Variants in LHCGR observed in about 807,000 individuals in gnomAD.
LHCGR encodes lutropin-choriogonadotropic hormone receptor.
Under a neutral mutation model 60.7 loss-of-function variants are expected in LHCGR, and 55 were observed. The observed-to-expected ratio is 0.91, with a 90% CI of 0.73 to 1.13. The LOEUF is 1.13. Ranked by LOEUF, LHCGR falls within the 50% of genes most tolerant of loss-of-function variation. The probability of loss-of-function intolerance (pLI) is 0.00; values close to 1 mark genes in which losing one functional copy is unlikely to be tolerated. For synonymous variants in LHCGR, 337 were observed against 316.5 expected, an observed-to-expected ratio of 1.06 and a Z score of -0.69; for missense variants, 862 against 836.0, an observed-to-expected ratio of 1.03 and a Z score of -0.38.
intron 1 of LHCGR, among the ~76,000 whole-genome samples, chr2:48,734,345 G>A (rs1669127580): frequency 6.6e-6 from 1 of 152,162 alleles, no homozygotes; most frequent in Non-Finnish European, 1.5e-5. Context: ...CATACACTAG[G>A]ATTGTTATCT....
chr2:48,718,008 C>T (rs9309153), intron 6 of LHCGR, among the ~76,000 whole-genome samples: 7,235 of 151,922 alleles, frequency 0.048, 243 homozygotes, highest in Middle Eastern at 0.11. Context: ...GGAGAAATTA[C>T]AAATGTGAGT....
chr2:48,715,601 C>G lies in LHCGR; in HGVS notation c.537-1547G>C, dbSNP rs553160771. 5.3e-5 allele frequency among the ~76,000 whole-genome samples: 8 copies of G among 152,152 alleles called. No homozygotes were observed. In the East Asian group the frequency reaches 7.7e-4, roughly 15 times the overall value. Reference sequence around the variant, plus strand: ...CAGGTAGCTGTTGTCTGCAAGGCCTCTCTAGTCTTTGTTAAACAAAATGAG... The same window carrying G: ...CAGGTAGCTGTTGTCTGCAAGGCCTGTCTAGTCTTTGTTAAACAAAATGAG... On this transcript the variant is annotated intron_variant, in intron 6 of 10. Transcript: ENST00000294954.
intron 8 of LHCGR, among the ~76,000 whole-genome samples, chr2:48,702,792 TG>T (rs1667475562): frequency 6.6e-6 from 1 of 152,228 alleles, no homozygotes; most frequent in Non-Finnish European, 1.5e-5. Context: ...TACCCAGTAA[TG>T]GGATCGCTCG....
At chr2:48,749,896 C>A (rs1366649468) in intron 1 of LHCGR, among the ~76,000 whole-genome samples, 8 of 152,084 alleles carry the variant, frequency 5.3e-5, no homozygotes, top group Non-Finnish European at 1.2e-4. Flanking sequence ...CATTCACTTT[C>A]CCCAGCAGAG....
intron 7 of LHCGR, 51 bp from the exon 8 acceptor site, chr2:48,709,073 A>T (rs1376144522): frequency 7.1e-7 from 1 of 1,403,218 alleles, no homozygotes; most frequent in Admixed American, 1.7e-5. Context: ...ATGTGTAAGC[A>T]TTCGTAGCTC....
chr2:48,742,392 T>C (rs1289493850), intron 1 of LHCGR, among the ~76,000 whole-genome samples: 1 of 149,956 alleles, frequency 6.7e-6, no homozygotes, highest in Non-Finnish European at 1.5e-5. Context: ...AATATACATT[T>C]TTTTCAGCAC....
intron 6 of LHCGR, among the ~76,000 whole-genome samples, chr2:48,716,497 G>A (rs1668256541): frequency 6.6e-6 from 1 of 152,028 alleles, no homozygotes; most frequent in African/African-American, 2.4e-5. Context: ...ATAAAGCAAT[G>A]GAGGCAAAGC....
Position 48,688,153 on chromosome 2 carries a change from T to C in LHCGR, c.1644A>G (p.Lys548=), listed in dbSNP as rs778760022. The change falls in exon 11 of 11, where the codon AAA becomes AAG. Residue 548 remains lysine (K), a synonymous_variant. Coordinates refer to ENST00000294954, the MANE Select transcript of LHCGR (RefSeq NM_000233.4). The surrounding 1 kb of genome is among the most constrained non-coding windows in gnomAD (Gnocchi z 5.2). ...AFFIICACYI[K]IYFAVRNPEL... ...CTGGGTTTCGAACTGCAAAATAAATTTTAATGTAGCAAGCACAAATTATGA... is the reference window on the plus strand; with the variant it reads ...CTGGGTTTCGAACTGCAAAATAAATCTTAATGTAGCAAGCACAAATTATGA... 6.2e-7 allele frequency: 1 copy of C among 1,614,136 alleles called. No individual in the cohort carries two copies. The highest frequency in any genetic ancestry group is 8.5e-7 in the Non-Finnish European group (1 of 1,180,006).
At chr2:48,745,945 C>G (rs1669685362) in intron 1 of LHCGR, among the ~76,000 whole-genome samples, 1 of 152,084 alleles carries the variant, frequency 6.6e-6, no homozygotes, top group Non-Finnish European at 1.5e-5. Context: ...ACCAGTGGCA[C>G]TTGCTTTCTC....
intron 1 of LHCGR, among the ~76,000 whole-genome samples, chr2:48,735,295 G>C (rs1669163486): frequency 6.6e-6 from 1 of 152,234 alleles, no homozygotes; most frequent in East Asian, 1.9e-4. Context: ...GATTGGTCAT[G>C]ACTCTGGCGA....
chr2:48,688,222 T>C lies in LHCGR; in HGVS notation c.1575A>G (p.Gln525=), dbSNP rs775992169. ...GAATCAGGATGGTTAATATATAGAC[T>C]TGTGAGAGAGTGGTTTCCACATCCA... ...FPMDVETTLS[Q]VYILTILILN... Residue 525 remains glutamine (Q), a synonymous_variant, in exon 11 of 11, where the codon CAA becomes CAG. Coordinates refer to ENST00000294954, the MANE Select transcript of LHCGR (RefSeq NM_000233.4). This position sits in a 1 kb window ranked among gnomAD's most constrained non-coding sequence, Gnocchi z 5.2. 6.2e-7 allele frequency: 1 copy of C among 1,614,002 alleles called. No homozygotes were observed. Among genetic ancestry groups the C allele is most frequent in the African/African-American group, 1.3e-5 (1 of 74,894 alleles).
chr2:48,714,756 C>T (rs368299031), intron 6 of LHCGR, among the ~76,000 whole-genome samples: 1 of 148,334 alleles, frequency 6.7e-6, no homozygotes, highest in South Asian at 2.2e-4. Context: ...CACACACAAA[C>T]ACACACACAT....
intron 10 of LHCGR, among the ~76,000 whole-genome samples, chr2:48,690,796 T>G (rs1172831310): frequency 1.3e-5 from 2 of 152,240 alleles, no homozygotes; most frequent in African/African-American, 4.8e-5. Context: ...CCTATTGCAA[T>G]TAAGTGATGA....
chr2:48,733,860 A>G lies in LHCGR; in HGVS notation c.162-2562T>C, dbSNP rs545228694. Among the ~76,000 whole-genome samples, 176 of 152,312 alleles carry G rather than the reference A, an allele frequency of 1.2e-3. No homozygotes were observed. The Middle Eastern group carries it at 0.048, about 41-fold the overall frequency. Reference sequence around the variant, plus strand: ...AAGTATCTGTCTCCAGAATTTATTAATAAAGTTTATGATTTGTTGATAACT... The same window carrying G: ...AAGTATCTGTCTCCAGAATTTATTAGTAAAGTTTATGATTTGTTGATAACT... On this transcript the variant is annotated intron_variant, in intron 1 of 10. Coordinates refer to ENST00000294954, the MANE Select transcript of LHCGR (RefSeq NM_000233.4).
At chr2:48,724,950 G>A (rs1394561012) in intron 4 of LHCGR, among the ~76,000 whole-genome samples, 1 of 152,086 alleles carries the variant, frequency 6.6e-6, no homozygotes, top group Non-Finnish European at 1.5e-5. Context: ...CATTCTCTGA[G>A]GAGTTTATGA....
At chr2:48,700,895 C>A (rs1348455368) in intron 8 of LHCGR, among the ~76,000 whole-genome samples, 1 of 152,044 alleles carries the variant, frequency 6.6e-6, no homozygotes, top group African/African-American at 2.4e-5. Flanking sequence ...GCAGAAAGAT[C>A]TAGGAATTTT....
chr2:48,687,943 G>T lies in LHCGR; in HGVS notation c.1854C>A (p.Ala618=). 6.2e-7 allele frequency: 1 copy of T among 1,614,050 alleles called. No homozygotes were observed. The highest frequency in any genetic ancestry group is 8.5e-7 in the Non-Finnish European group (1 of 1,179,952). The part of the protein sequence containing the change: ...LVLFYPINSC[A]NPFLYAIFTK... ...TGAATATTGCATACAGAAATGGATTGGCACAAGAATTGATGGGATAAAAAA... is the reference window on the plus strand; with the variant it reads ...TGAATATTGCATACAGAAATGGATTTGCACAAGAATTGATGGGATAAAAAA... The change falls in exon 11 of 11, where the codon GCC becomes GCA. Residue 618 remains alanine (A), a synonymous_variant. Coordinates refer to ENST00000294954, the MANE Select transcript of LHCGR (RefSeq NM_000233.4).
intron 1 of LHCGR, among the ~76,000 whole-genome samples, chr2:48,753,706 T>A (rs1208300106): frequency 1.3e-5 from 2 of 152,080 alleles, no homozygotes; most frequent in Non-Finnish European, 2.9e-5. Flanking sequence ...CCTTGAGAGA[T>A]CTTACTGAAA....
At chr2:48,717,130 T>C (rs904504144) in intron 6 of LHCGR, among the ~76,000 whole-genome samples, 4 of 152,210 alleles carry the variant, frequency 2.6e-5, no homozygotes, top group Non-Finnish European at 5.9e-5. Flanking sequence ...TTCTAAGTGA[T>C]GATCGCACTA....
Sources: gnomAD v4.1 joint callset for allele counts (sites outside exome capture counted in the v4.1 genomes callset) on GRCh38, gnomAD v4.1.1 for gene constraint, Gnocchi (gnomAD v3.1) non-coding constraint, MANE v1.5 for transcripts, NCBI Gene and HGNC (gene_info 2026-07-23, HGNC 2026-07-21) for gene names.